TRHDE: variants seen among roughly 807,000 people sequenced by gnomAD.
The protein encoded by TRHDE is thyrotropin-releasing hormone-degrading ectoenzyme.
A neutral mutation model predicts 125.7 loss-of-function variants in TRHDE; 72 were observed. The ratio of observed to expected loss-of-function variants is 0.57; its 90% CI spans 0.47 to 0.70. The LOEUF (loss-of-function observed/expected upper bound fraction) is 0.70, where lower values mean the gene tolerates loss of function less well. Among genes scored for constraint, TRHDE ranks in the 30% least tolerant of loss-of-function variants. TRHDE has a pLI of 0.00. For synonymous variants in TRHDE, 509 were observed against 509.1 expected (o/e 1.00, Z 0.00); for missense variants, 1,110 against 1,327.1 (o/e 0.84, Z 2.54).
intron 2 of TRHDE, among the ~76,000 whole-genome samples, chr12:72,194,696 G>T (rs1437683044): frequency 6.6e-6 from 1 of 152,026 alleles, no homozygotes; most frequent in Admixed American, 6.6e-5. Context: ...ACATTGCTGC[G>T]AAGGACATGA....
chr12:72,343,401 T>G (rs549113250), intron 2 of TRHDE, among the ~76,000 whole-genome samples: 1 of 152,264 alleles, frequency 6.6e-6, no homozygotes, highest in African/African-American at 2.4e-5. Flanking sequence ...CACATTTGAT[T>G]GAAAAAAATA....
intron 2 of TRHDE, among the ~76,000 whole-genome samples, chr12:72,214,635 C>T (rs1877847712): frequency 6.6e-6 from 1 of 152,054 alleles, no homozygotes; most frequent in African/African-American, 2.4e-5. Context: ...AAAATTATCC[C>T]ATGACAACAA....
rs146494192 is a variant in TRHDE at position 72,244,108 on chromosome 12, C to T, written n.280-133887C>T. Reference sequence around the variant, plus strand: ...TTCAGTATGAGGCTCTATTTATCACCCTATGCTACTGGATTTATGTTATTA... The same window carrying T: ...TTCAGTATGAGGCTCTATTTATCACTCTATGCTACTGGATTTATGTTATTA... On this transcript the variant is annotated intron_variant and non_coding_transcript_variant, in intron 2 of 4. Transcript: ENST00000548156. 7.2e-3 allele frequency among the ~76,000 whole-genome samples: 1,102 copies of T among 152,206 alleles called. 12 individuals are homozygous for T. Among genetic ancestry groups the T allele is most frequent in the African/African-American group, 0.025 (1,040 of 41,520 alleles).
chr12:72,582,309 T>C, intron 12 of TRHDE: 1 of 984,880 alleles, frequency 1.0e-6, no homozygotes, highest in Non-Finnish European at 1.2e-6. Flanking sequence ...AGAAGAAAAT[T>C]ATGAGAACAT....
chr12:72,467,287 T>C (rs547401718), intron 3 of TRHDE, among the ~76,000 whole-genome samples: 15 of 149,742 alleles, frequency 1.0e-4, no homozygotes, highest in Non-Finnish European at 1.3e-4. Context: ...CCTGTGTCCA[T>C]GTGTTCTCAT....
intron 5 of TRHDE, among the ~76,000 whole-genome samples, chr12:72,477,706 G>C (rs1876965415): frequency 2.6e-5 from 4 of 152,038 alleles, no homozygotes; most frequent in Admixed American, 2.6e-4. Context: ...ATTTTAATTT[G>C]AAAAAAGTTT....
chr12:72,653,266 A>C, intron 17 of TRHDE, 110 bp downstream of exon 17: 1 of 791,940 alleles, frequency 1.3e-6, no homozygotes, highest in Non-Finnish European at 1.8e-6. Context: ...TTAGATATTA[A>C]AATATTCAAC....
chr12:72,542,336 G>C lies in TRHDE; in HGVS notation c.1768G>C (p.Val590Leu), dbSNP rs756076338. The C allele has an allele frequency of 1.9e-6, 3 of 1,604,528 alleles. No individual in the cohort carries two copies. The highest frequency in any genetic ancestry group is 2.6e-6 in the Non-Finnish European group (3 of 1,174,112). ...GCTGGCTAATTTTATGGGCCATTCA[G>C]TTTTCCAGAGGGGTTTGCAAGTAAG... is the stretch of plus-strand genomic sequence containing the variant. Reference protein sequence around the residue: ...RMLANFMGHSVFQRGLQDYLT... With the variant: ...RMLANFMGHSLFQRGLQDYLT... Residue 590 changes from valine (V) to leucine (L), a missense_variant, in exon 7 of 19, where the codon GTT (valine) becomes CTT (leucine). Val to Leu is a conservative substitution (Grantham distance 32). Transcript: ENST00000261180.
intron 10 of TRHDE, among the ~76,000 whole-genome samples, chr12:72,572,214 T>A (rs1398056195): frequency 2.0e-5 from 3 of 152,250 alleles, no homozygotes; most frequent in South Asian, 4.1e-4. Context: ...TTTTAAAAAA[T>A]TTTTAAATTC....
intron 15 of TRHDE, among the ~76,000 whole-genome samples, chr12:72,626,745 C>T (rs1270886907): frequency 6.6e-6 from 1 of 151,822 alleles, no homozygotes; most frequent in East Asian, 1.9e-4. Flanking sequence ...TCCTTTATGT[C>T]TGATCCTTCT....
chr12:72,422,979 C>A (rs1395282032), intron 3 of TRHDE, among the ~76,000 whole-genome samples: 1 of 152,108 alleles, frequency 6.6e-6, no homozygotes, highest in South Asian at 2.1e-4. Flanking sequence ...TTATAAGTTA[C>A]CCAGTCCCAG....
At chr12:72,192,921 T>G (rs1478108204) in intron 2 of TRHDE, among the ~76,000 whole-genome samples, 1 of 152,118 alleles carries the variant, frequency 6.6e-6, no homozygotes, top group African/African-American at 2.4e-5. Context: ...TGAGGTGGTT[T>G]TGTGAATATT....
chr12:72,306,591 TGA>T (rs1197061365), intron 2 of TRHDE: 2 of 152,176 alleles, frequency 1.3e-5, no homozygotes, highest in Non-Finnish European at 2.9e-5. Flanking sequence ...GTAGGTATCA[TGA>T]TTTCATTCAT....
chr12:72,577,938 C>T (rs1242485646), intron 12 of TRHDE, among the ~76,000 whole-genome samples: 3 of 152,092 alleles, frequency 2.0e-5, no homozygotes, highest in South Asian at 2.1e-4. Flanking sequence ...TTTTCTATTA[C>T]AGTAAGAGTA....
chr12:72,363,281 C>T (rs1871191985), intron 2 of TRHDE, among the ~76,000 whole-genome samples: 1 of 146,970 alleles, frequency 6.8e-6, no homozygotes, highest in Admixed American at 7.0e-5. Flanking sequence ...ATGAGGCCAG[C>T]ATCATCCTGA....
chr12:72,450,407 C>T (rs748105570), intron 3 of TRHDE, among the ~76,000 whole-genome samples: 3 of 151,956 alleles, frequency 2.0e-5, no homozygotes, highest in Non-Finnish European at 4.4e-5. Context: ...TATTAATTAA[C>T]CATTATAATT....
chr12:72,476,290 A>C (rs936974911), intron 5 of TRHDE, among the ~76,000 whole-genome samples: 1 of 152,182 alleles, frequency 6.6e-6, no homozygotes, highest in African/African-American at 2.4e-5. Context: ...AGCTCAATAT[A>C]AATCCAGAAA....
At chr12:72,237,642 C>CT (rs1292772606) in intron 2 of TRHDE, among the ~76,000 whole-genome samples, 3 of 152,182 alleles carry the variant, frequency 2.0e-5, no homozygotes, top group Non-Finnish European at 4.4e-5. Flanking sequence ...TGTGTGCACT[C>CT]TCTCTCCCGC....
At chr12:72,578,064 T>A (rs1022473664) in intron 12 of TRHDE, among the ~76,000 whole-genome samples, 1 of 152,178 alleles carries the variant, frequency 6.6e-6, no homozygotes, top group Non-Finnish European at 1.5e-5. Flanking sequence ...GTTCAGTCTA[T>A]ATCAACCTTC....
Sources: allele counts gnomAD v4.1 joint callset (sites outside exome capture counted in the v4.1 genomes callset), GRCh38; gene constraint gnomAD v4.1.1; transcripts MANE v1.5; gene names NCBI Gene and HGNC (gene_info 2026-07-23, HGNC 2026-07-21).